The following LIMK2 variants were observed in gnomAD, a reference collection of about 807,000 sequenced individuals.
LIMK2 encodes LIM domain kinase 2.
LIMK2 carries 35 observed loss-of-function variants against 75.7 expected under a neutral mutation model. The observed-to-expected ratio is 0.46, with a 90% CI of 0.35 to 0.61. LIMK2 has a LOEUF of 0.61. Ranked by LOEUF, LIMK2 falls within the 20% of genes least tolerant of loss-of-function variation. The pLI, the probability that LIMK2 is intolerant of heterozygous loss-of-function variation, is 0.00. For synonymous variants in LIMK2, 301 were observed against 319.2 expected, an observed-to-expected ratio of 0.94 and a Z score of 0.61; for missense variants, 623 against 831.0, an observed-to-expected ratio of 0.75 and a Z score of 3.08.
intron 1 of LIMK2, among the ~76,000 whole-genome samples, chr22:31,218,860 C>T (rs1201681212): frequency 2.0e-5 from 3 of 152,126 alleles, no homozygotes; most frequent in Non-Finnish European, 4.4e-5. Flanking sequence ...TCTGGTGGAA[C>T]GTGAGAAGCT....
At chr22:31,243,859 C>G (rs2048643953) in intron 2 of LIMK2, among the ~76,000 whole-genome samples, 1 of 152,198 alleles carries the variant, frequency 6.6e-6, no homozygotes, top group African/African-American at 2.4e-5. Flanking sequence ...GTGGCTTGGG[C>G]CCTTTGAAGT....
At chr22:31,229,989 A>G (rs1200543128) in intron 2 of LIMK2, 1 of 151,656 alleles carries the variant, frequency 6.6e-6, no homozygotes, top group Non-Finnish European at 1.5e-5. Context: ...TAGTCCTCCC[A>G]AGCCTTCCCA....
chr22:31,239,336 C>G (rs147588624), intron 2 of LIMK2, among the ~76,000 whole-genome samples: 1 of 152,404 alleles, frequency 6.6e-6, no homozygotes, highest in Non-Finnish European at 1.5e-5. Flanking sequence ...CAGACTTGGT[C>G]TTTAGTGCTC....
At chr22:31,217,269 G>C (rs1258382441) in intron 1 of LIMK2, among the ~76,000 whole-genome samples, 1 of 151,982 alleles carries the variant, frequency 6.6e-6, no homozygotes, top group Non-Finnish European at 1.5e-5. Context: ...ATGGGGGCAG[G>C]TGCCTGTAAT....
At chr22:31,248,048 C>CTTT (rs558208756) in intron 2 of LIMK2, among the ~76,000 whole-genome samples, 2 of 145,394 alleles carry the variant, frequency 1.4e-5, no homozygotes, top group African/African-American at 5.0e-5. Context: ...GCATCCTCTG[C>CTTT]TTTTTTTTTT....
chr22:31,262,412 A>G lies in LIMK2; in HGVS notation c.657+173A>G, dbSNP rs2048850091. On this transcript the variant is annotated intron_variant, in intron 6 of 15. Transcript: ENST00000331728. This position sits in a 1 kb window ranked among gnomAD's most constrained non-coding sequence, Gnocchi z 5.0. ...GTAACAGGTTCCCAGGGTAGCAGGG[A>G]TGGTTGATGGACGGGAGAGCTGACA... is the stretch of plus-strand genomic sequence containing the variant. 6.6e-6 allele frequency among the ~76,000 whole-genome samples: 1 copy of G among 152,042 alleles called. No homozygotes were observed. Among genetic ancestry groups the G allele is most frequent in the Non-Finnish European group, 1.5e-5 (1 of 67,990 alleles).
At chr22:31,251,036 A>G (rs1397697922) in intron 2 of LIMK2, among the ~76,000 whole-genome samples, 1 of 152,152 alleles carries the variant, frequency 6.6e-6, no homozygotes, top group Non-Finnish European at 1.5e-5. Flanking sequence ...TCTGTGTCCC[A>G]TACACCCCTG....
intron 1 of LIMK2, among the ~76,000 whole-genome samples, chr22:31,224,986 G>A (rs1367865595): frequency 6.6e-6 from 1 of 152,216 alleles, no homozygotes; most frequent in Non-Finnish European, 1.5e-5. Flanking sequence ...ATCAGTGGTG[G>A]CATTAGATTC....
chr22:31,227,109 C>T (rs542170723), intron 2 of LIMK2, among the ~76,000 whole-genome samples: 1 of 152,224 alleles, frequency 6.6e-6, no homozygotes, highest in Non-Finnish European at 1.5e-5. Context: ...TCCTTCCTCC[C>T]ATCGGATTGG....
At chr22:31,228,431 C>T (rs542817336) in intron 2 of LIMK2, among the ~76,000 whole-genome samples, 1 of 151,932 alleles carries the variant, frequency 6.6e-6, no homozygotes, top group South Asian at 2.1e-4. Flanking sequence ...AAAAAACAAC[C>T]ACCACCAAGA....
At position 31,273,437 on chromosome 22, in the gene LIMK2, C is replaced by G. The variant is rs747299095; in HGVS notation, c.1559-15C>G. 1 of 1,612,186 alleles carries G rather than the reference C, an allele frequency of 6.2e-7. No individual in the cohort carries two copies. Among genetic ancestry groups the G allele is most frequent in the Non-Finnish European group, 8.5e-7 (1 of 1,178,344 alleles). ...GGATGTAAACTTAACAGTGTGCTCT[C>G]CTGTGTTCCCCAAGGAAAGAGCTAT... On this transcript the variant is annotated splice_polypyrimidine_tract_variant and intron_variant, in intron 13 of 15. Transcript: ENST00000331728.
intron 5 of LIMK2, among the ~76,000 whole-genome samples, chr22:31,261,128 C>T (rs2048834240): frequency 6.6e-6 from 1 of 151,712 alleles, no homozygotes. Context: ...CCAACCTGGC[C>T]AACATAGCAA....
chr22:31,272,917 G>A (rs1474056194), intron 13 of LIMK2: 28 of 1,328,716 alleles, frequency 2.1e-5, no homozygotes, highest in Admixed American at 3.4e-5. Context: ...GGGGGATAAG[G>A]TGAGTTCTGA....
chr22:31,246,874 C>T (rs941169712), intron 2 of LIMK2, among the ~76,000 whole-genome samples: 6 of 152,118 alleles, frequency 3.9e-5, no homozygotes, highest in South Asian at 4.2e-4. Context: ...AGGCTGATGA[C>T]GTTTCCTCCT....
Position 31,278,365 on chromosome 22 carries a change from C to T in LIMK2, c.1841C>T (p.Pro614Leu), listed in dbSNP as rs757509670. Reference sequence around the variant, plus strand: ...CTGTACCTGGGGGAGCTGGGCATCCCGCTGCCTGCAGAGCTGGAGGAGTTG... The same window carrying T: ...CTGTACCTGGGGGAGCTGGGCATCCTGCTGCCTGCAGAGCTGGAGGAGTTG... ...LSLYLGELGIPLPAELEELDH... is the reference protein window; with the variant it reads ...LSLYLGELGILLPAELEELDH... Residue 614 changes from proline (P) to leucine (L), a missense_variant, in exon 16 of 16, where the codon CCG (proline) becomes CTG (leucine). Pro to Leu is a moderately conservative substitution (Grantham distance 98, BLOSUM62 -3). Coordinates refer to ENST00000331728, the MANE Select transcript of LIMK2 (RefSeq NM_005569.4). 1.3e-5 allele frequency: 21 copies of T among 1,613,906 alleles called. No homozygotes were observed. The highest frequency in any genetic ancestry group is 1.7e-5 in the Admixed American group (1 of 60,004).
intron 2 of LIMK2, among the ~76,000 whole-genome samples, chr22:31,239,799 T>A (rs191849050): frequency 2.0e-5 from 3 of 152,320 alleles, no homozygotes; most frequent in Admixed American, 2.0e-4. Flanking sequence ...TCAGAGTGTT[T>A]GCTGGGTGAA....
In LIMK2 at chr22:31,278,507, G is replaced by A; in HGVS notation, c.*66G>A. 1 of 1,502,062 alleles carries A rather than the reference G, an allele frequency of 6.7e-7. No homozygotes were observed. Among genetic ancestry groups the A allele is most frequent in the Non-Finnish European group, 8.9e-7 (1 of 1,125,212 alleles). The allele number at this position is 1,502,062 out of a possible 1,614,324, so 93.0% of individuals were successfully genotyped here. Reference sequence around the variant, plus strand: ...CATTGCCCCTCTGTGCCCCATTCCTGCTGTGAGCAGGGCCGTCCGGGCTTC... The same window carrying A: ...CATTGCCCCTCTGTGCCCCATTCCTACTGTGAGCAGGGCCGTCCGGGCTTC... On this transcript the variant is annotated 3_prime_UTR_variant, in exon 16 of 16. Coordinates refer to ENST00000331728, the MANE Select transcript of LIMK2 (RefSeq NM_005569.4).
Position 31,272,529 on chromosome 22 carries a change from G to A in LIMK2, c.1384-1G>A. On this transcript the variant is annotated splice_acceptor_variant, in intron 12 of 15. Coordinates refer to ENST00000331728, the MANE Select transcript of LIMK2 (RefSeq NM_005569.4). LOFTEE classifies it high-confidence loss of function. The stretch of plus-strand genomic sequence containing the variant: ...TCCTGACCTGTCTTTTATCCTACCA[G>A]GACAAGACTGTGGTGGTGGCAGACT... The A allele has an allele frequency of 6.2e-7, 1 of 1,610,982 alleles. No homozygotes were observed. The highest frequency in any genetic ancestry group is 8.5e-7 in the Non-Finnish European group (1 of 1,178,872).
intron 2 of LIMK2, among the ~76,000 whole-genome samples, chr22:31,253,349 A>G (rs1055012076): frequency 3.3e-5 from 5 of 152,242 alleles, no homozygotes; most frequent in Non-Finnish European, 7.4e-5. Context: ...TATGATGTCC[A>G]TGGCCTCTAA....
Sources: allele counts gnomAD v4.1 joint callset (sites outside exome capture counted in the v4.1 genomes callset), GRCh38; gene constraint gnomAD v4.1.1; non-coding constraint Gnocchi (gnomAD v3.1); transcripts MANE v1.5; gene names NCBI Gene and HGNC (gene_info 2026-07-23, HGNC 2026-07-21).